SV2C: variants seen among roughly 807,000 people sequenced by gnomAD.
The protein encoded by SV2C is synaptic vesicle glycoprotein 2C, also known as solute carrier family 22 member B3.
Under a neutral mutation model 79.7 loss-of-function variants are expected in SV2C, and 49 were observed. The observed-to-expected ratio is 0.61, with a 90% CI of 0.49 to 0.78. SV2C has a LOEUF of 0.78. SV2C is among the 30% of genes least tolerant of loss of function. The pLI is 0.00. For synonymous variants in SV2C, 334 were observed against 333.2 expected, an observed-to-expected ratio of 1.00 and a Z score of -0.03; for missense variants, 833 against 912.9, an observed-to-expected ratio of 0.91 and a Z score of 1.13.
chr5:75,953,235 C>G, the SV2C span, among the ~76,000 whole-genome samples: 1 of 151,826 alleles, frequency 6.6e-6, no homozygotes, highest in African/African-American at 2.4e-5. Flanking sequence ...TAATGACTAG[C>G]TCTTCTCCCT....
At chr5:75,993,286 C>T in the SV2C span, among the ~76,000 whole-genome samples, 2 of 151,894 alleles carry the variant, frequency 1.3e-5, no homozygotes, top group South Asian at 2.1e-4. Flanking sequence ...AACATTGTAA[C>T]ATTTTTCCAT....
chr5:76,298,764 T>C (rs1747866415), intron 9 of SV2C, 30 bp from the exon 10 acceptor site: 2 of 1,609,388 alleles, frequency 1.2e-6, no homozygotes. Context: ...CAGTCATTGA[T>C]TGATATGAAT....
chr5:75,940,938 C>T, the SV2C span, among the ~76,000 whole-genome samples: 1 of 152,190 alleles, frequency 6.6e-6, no homozygotes. Flanking sequence ...ATAAGGTTAT[C>T]TACCCACATG....
chr5:75,882,829 A>C, the SV2C span, among the ~76,000 whole-genome samples: 1 of 152,038 alleles, frequency 6.6e-6, no homozygotes, highest in African/African-American at 2.4e-5. Flanking sequence ...CAAAAGCCAA[A>C]ATTGACAAAT....
chr5:75,934,302 C>CTTTTTTTTTTTT, the SV2C span, among the ~76,000 whole-genome samples: 456 of 107,734 alleles, frequency 4.2e-3, 11 homozygotes, highest in Middle Eastern at 4.9e-3. Flanking sequence ...TTCTTTCTTT[C>CTTTTTTTTTTTT]TTTTTTTTTT....
chr5:76,249,888 T>C (rs1746061537), intron 4 of SV2C, among the ~76,000 whole-genome samples: 1 of 152,190 alleles, frequency 6.6e-6, no homozygotes, highest in Non-Finnish European at 1.5e-5. Flanking sequence ...CAGTCAACCA[T>C]ACAGCAGCTC....
intron 12 of SV2C, among the ~76,000 whole-genome samples, chr5:76,319,582 C>T (rs1180149498): frequency 1.3e-5 from 2 of 152,142 alleles, no homozygotes; most frequent in Non-Finnish European, 2.9e-5. Flanking sequence ...ATCTAAAGAA[C>T]TGCCTTTGCT....
the SV2C span, among the ~76,000 whole-genome samples, chr5:76,077,586 A>G: frequency 6.6e-6 from 1 of 152,316 alleles, no homozygotes; most frequent in African/African-American, 2.4e-5. Flanking sequence ...ATCTTCCACA[A>G]TTTTGGAAAG....
At chr5:75,910,917 T>G in the SV2C span, 2 of 941,276 alleles carry the variant, frequency 2.1e-6, no homozygotes, top group African/African-American at 1.6e-5. Flanking sequence ...AAAGTCTTTG[T>G]GGTGAAGGGA....
chr5:75,915,222 C>T, the SV2C span, among the ~76,000 whole-genome samples: 93 of 152,282 alleles, frequency 6.1e-4, no homozygotes, highest in African/African-American at 2.0e-3. Context: ...GAGGCTATTT[C>T]CCTTGCTCAA....
intron 2 of SV2C, 71 bp from the exon 3 acceptor site, chr5:76,194,848 G>T: frequency 1.9e-6 from 3 of 1,544,580 alleles, no homozygotes; most frequent in South Asian, 2.4e-5. Flanking sequence ...TTTGTTCCTT[G>T]TTCACTTGCT....
the SV2C span, among the ~76,000 whole-genome samples, chr5:75,865,058 G>A: frequency 6.6e-6 from 1 of 152,210 alleles, no homozygotes; most frequent in Non-Finnish European, 1.5e-5. Context: ...GAGCAAGGCT[G>A]TGCCATCTGC....
At chr5:75,984,571 C>CTATCTA in the SV2C span, among the ~76,000 whole-genome samples, 711 of 60,174 alleles carry the variant, frequency 0.012, 5 homozygotes, top group Middle Eastern at 0.053. Flanking sequence ...CTATCTATAT[C>CTATCTA]TATCTATCTA....
chr5:76,111,786 G>A (rs1029403040), intron 1 of SV2C, among the ~76,000 whole-genome samples: 3 of 152,180 alleles, frequency 2.0e-5, no homozygotes, highest in Non-Finnish European at 4.4e-5. Context: ...AGAAGGCCTT[G>A]GTCTTTCTTG....
At chr5:75,998,129 A>G in the SV2C span, among the ~76,000 whole-genome samples, 1 of 152,012 alleles carries the variant, frequency 6.6e-6, no homozygotes, top group South Asian at 2.1e-4. Context: ...CTCATAGGTG[A>G]GAATTGAACA....
upstream of SV2C, among the ~76,000 whole-genome samples, chr5:76,081,487 A>G (rs1746991320): frequency 6.6e-6 from 1 of 152,210 alleles, no homozygotes; most frequent in African/African-American, 2.4e-5. Context: ...TAGTAGCAGC[A>G]CATTAATTTT....
At chr5:75,977,971 A>G in the SV2C span, among the ~76,000 whole-genome samples, 3 of 152,192 alleles carry the variant, frequency 2.0e-5, no homozygotes, top group Non-Finnish European at 4.4e-5. Context: ...GCTACTGCTC[A>G]GTTGCTTAGC....
Position 76,163,084 on chromosome 5 carries a change from A to G in SV2C, c.580+30754A>G, listed in dbSNP as rs1028950478. ...ACAGGTATAAAAATTCACTGCCACCAGAAAACCTGGGCCTGACCCTGCCCA... is the reference window on the plus strand; with the variant it reads ...ACAGGTATAAAAATTCACTGCCACCGGAAAACCTGGGCCTGACCCTGCCCA... On this transcript the variant is annotated intron_variant, in intron 2 of 12. Transcript: ENST00000502798. Among the ~76,000 whole-genome samples, 2 of 152,226 alleles carry G rather than the reference A, an allele frequency of 1.3e-5. 1 individual carries two copies. The highest frequency in any genetic ancestry group is 1.3e-4 in the Admixed American group (2 of 15,278).
intron 1 of SV2C, among the ~76,000 whole-genome samples, chr5:76,115,867 C>G (rs1307264928): frequency 3.9e-5 from 6 of 152,232 alleles, no homozygotes; most frequent in Non-Finnish European, 8.8e-5. Flanking sequence ...TTGACCCCCT[C>G]TCCCTGGCTC....
Sources: gnomAD v4.1 joint callset for allele counts (sites outside exome capture counted in the v4.1 genomes callset) on GRCh38, gnomAD v4.1.1 for gene constraint, MANE v1.5 for transcripts, NCBI Gene and HGNC (gene_info 2026-07-23, HGNC 2026-07-21) for gene names.